Variants in DEFA4 observed in about 807,000 individuals in gnomAD.
The protein encoded by DEFA4 is defensin alpha 4.
DEFA4 carries 8 observed loss-of-function variants against 4.4 expected under a neutral mutation model. That is an observed-to-expected ratio of 1.82 (90% confidence interval 1.07 to 3.29). The LOEUF is 3.29. Ranked by LOEUF, DEFA4 falls within the 30% of genes most tolerant of loss-of-function variation. The pLI is 0.00. For missense variants in DEFA4, 216 were observed against 127.0 expected (o/e 1.70, Z -3.37); for synonymous variants, 77 against 46.5 (o/e 1.66, Z -2.67).
intron 1 of DEFA4, among the ~76,000 whole-genome samples, 199 bp downstream of exon 1, chr8:6,938,027 A>G (rs1808935336): frequency 6.6e-6 from 1 of 152,188 alleles, no homozygotes; most frequent in African/African-American, 2.4e-5. Context: ...TGTGTTTGGA[A>G]GGAAACTTTT....
intron 2 of DEFA4, 35 bp downstream of exon 2, chr8:6,936,693 A>G: frequency 6.4e-7 from 1 of 1,552,080 alleles, no homozygotes; most frequent in Non-Finnish European, 8.7e-7. Context: ...CCGTCTCTCT[A>G]GACTCGGTAG....
At chr8:6,937,082 A>G (rs959917468) in intron 1 of DEFA4, among the ~76,000 whole-genome samples, 171 bp from the exon 2 acceptor site, 2 of 152,038 alleles carry the variant, frequency 1.3e-5, no homozygotes, top group Non-Finnish European at 2.9e-5. Flanking sequence ...CATCCCTGGA[A>G]TGCTCCTCTG....
chr8:6,937,412 C>T (rs1479003821), intron 1 of DEFA4, among the ~76,000 whole-genome samples: 1 of 151,928 alleles, frequency 6.6e-6, no homozygotes, highest in Non-Finnish European at 1.5e-5. Flanking sequence ...GAAGGGGCGA[C>T]TGAGGTAATG....
Position 6,938,306 on chromosome 8 carries a change from T to A in DEFA4, c.-93A>T, listed in dbSNP as rs1203411395. 6.6e-6 allele frequency: 1 copy of A among 152,212 alleles called. No individual in the cohort carries two copies. The highest frequency in any genetic ancestry group is 2.4e-5 in the African/African-American group (1 of 41,454). The allele number at this position is 152,212 out of a possible 1,614,324, so 9.4% of individuals were successfully genotyped here. On this transcript the variant is annotated 5_prime_UTR_variant, in exon 1 of 3. It removes an upstream start codon present in the reference 5' UTR. Transcript: ENST00000297435. Reference sequence around the variant, plus strand: ...AGGTCTTATGTAGCAAGAGCAGCCATGCACACAGAGGAGAGGACTTCCTTA... The same window carrying A: ...AGGTCTTATGTAGCAAGAGCAGCCAAGCACACAGAGGAGAGGACTTCCTTA...
chr8:6,936,417 C>T (rs973424461), intron 2 of DEFA4, among the ~76,000 whole-genome samples: 4 of 152,102 alleles, frequency 2.6e-5, no homozygotes, highest in African/African-American at 4.8e-5. Context: ...TTTAAAATTT[C>T]CTTTGTTGGC....
Position 6,936,841 on chromosome 8 carries a change from C to T in DEFA4, c.59G>A (p.Gly20Asp). The change falls in exon 2 of 3, where the codon GGC becomes GAC. Residue 20 changes from glycine (G) to aspartate (D), a missense_variant. Transcript: ENST00000297435. ...CTCATCACCTCTTGCCTGGAGTGGG[C>T]CTGCCCGGACCTGGAGGGCTACCAA... ...ILLVALQVRA[G>D]PLQARGDEAP... The T allele has an allele frequency of 2.5e-6, 4 of 1,612,912 alleles. No individual in the cohort carries two copies. The highest frequency in any genetic ancestry group is 3.4e-6 in the Non-Finnish European group (4 of 1,179,480).
At chr8:6,937,510 AGAGTTGTGTAAGGTTCAT>A (rs1323194067) in intron 1 of DEFA4, among the ~76,000 whole-genome samples, 1 of 152,174 alleles carries the variant, frequency 6.6e-6, no homozygotes, top group Non-Finnish European at 1.5e-5. Context: ...AGAGAGATAA[AGAGTTGTGTAAGGTTCAT>A]GAGTTGCTAG....
intron 1 of DEFA4, among the ~76,000 whole-genome samples, chr8:6,937,485 G>T (rs543709826): frequency 3.5e-4 from 54 of 152,218 alleles, no homozygotes; most frequent in Non-Finnish European, 6.8e-4. Context: ...GGGTACAGGT[G>T]AAATGAGCTC....
In DEFA4 at chr8:6,936,203, A is replaced by G. The variant is rs539448726; in HGVS notation, c.173-62T>C. On this transcript the variant is annotated intron_variant, in intron 2 of 2. Coordinates refer to ENST00000297435, the MANE Select transcript of DEFA4 (RefSeq NM_001925.3). ...AAGGTCAGCGGTGGGTGGTAAAGGGAATCTTGGAGAAGTCACATGCTGGCT... is the reference window on the plus strand; with the variant it reads ...AAGGTCAGCGGTGGGTGGTAAAGGGGATCTTGGAGAAGTCACATGCTGGCT... 1.4e-5 allele frequency: 23 copies of G among 1,598,116 alleles called. No individual in the cohort carries two copies. In the South Asian group the frequency reaches 1.8e-4, roughly 12 times the overall value.
At chr8:6,937,961 AAAT>A (rs1258615398) in intron 1 of DEFA4, among the ~76,000 whole-genome samples, 9 of 152,316 alleles carry the variant, frequency 5.9e-5, no homozygotes, top group Middle Eastern at 3.4e-3. Flanking sequence ...TCTCACAATA[AAAT>A]AATGTTTTAA....
rs1240577683 is a variant in DEFA4, at chr8:6,937,178, T to G, written c.-12-267A>C. On this transcript the variant is annotated intron_variant, in intron 1 of 2. Transcript: ENST00000297435. ...TGGTGATGATGAGGACCCTGGCATTTTTTCCTGTTTTCAGGAAATACCTAA... is the reference window on the plus strand; with the variant it reads ...TGGTGATGATGAGGACCCTGGCATTGTTTCCTGTTTTCAGGAAATACCTAA... Among the ~76,000 whole-genome samples, 2 of 152,120 alleles carry G rather than the reference T, an allele frequency of 1.3e-5. 1 individual carries two copies. Among genetic ancestry groups the G allele is most frequent in the Non-Finnish European group, 2.9e-5 (2 of 68,012 alleles).
chr8:6,936,256 C>T (rs959870007), intron 2 of DEFA4, 115 bp from the exon 3 acceptor site: 60 of 1,367,780 alleles, frequency 4.4e-5, no homozygotes, highest in Middle Eastern at 2.5e-4. Flanking sequence ...GCATTAGTGC[C>T]GGTAGCACAA....
intron 2 of DEFA4, among the ~76,000 whole-genome samples, 165 bp from the exon 3 acceptor site, chr8:6,936,306 T>TGC (rs1808848503): frequency 1.3e-5 from 2 of 152,170 alleles, no homozygotes; most frequent in Admixed American, 1.3e-4. Flanking sequence ...AGAGCAATGC[T>TGC]GCTCATACAG....
chr8:6,937,239 A>T lies in DEFA4; in HGVS notation c.-12-328T>A, dbSNP rs551228739. ...TTAAATCTTTAATATTCTAAAAAGA[A>T]TGGAAACAGTGCTTTCATTCAATAA... is the stretch of plus-strand genomic sequence containing the variant. On this transcript the variant is annotated intron_variant, in intron 1 of 2. Transcript: ENST00000297435. Among the ~76,000 whole-genome samples the T allele has an allele frequency of 2.6e-5, 4 of 152,292 alleles. No individual in the cohort carries two copies. The East Asian group carries it at 7.7e-4, about 29-fold the overall frequency.
At chr8:6,936,191 G>T in intron 2 of DEFA4, 50 bp from the exon 3 acceptor site, 2 of 1,603,478 alleles carry the variant, frequency 1.2e-6, no homozygotes, top group South Asian at 1.1e-5. Context: ...GTCAGCGGTG[G>T]GTGGTAAAGG....
chr8:6,936,981 G>C, intron 1 of DEFA4, 70 bp from the exon 2 acceptor site: 1 of 1,326,090 alleles, frequency 7.5e-7, no homozygotes, highest in Non-Finnish European at 9.9e-7. Context: ...GCTTTGCTGG[G>C]AGAAGGCACA....
At chr8:6,936,623 A>G in intron 2 of DEFA4, 105 bp downstream of exon 2, 1 of 1,227,806 alleles carries the variant, frequency 8.1e-7, no homozygotes, top group East Asian at 2.6e-5. Context: ...CAGAGATGGT[A>G]AGTAAAGCCA....
Position 6,936,846 on chromosome 8 carries a change from C to G in DEFA4, c.54G>C (p.Arg18=). ...CACCTCTTGCCTGGAGTGGGCCTGC[C>G]CGGACCTGGAGGGCTACCAAGAGAA... is the stretch of plus-strand genomic sequence containing the variant. ...AAILLVALQV[R]AGPLQARGDE... is the part of the protein sequence containing the mutation. Residue 18 remains arginine, a synonymous_variant, in exon 2 of 3, where the codon CGG becomes CGC. Coordinates refer to ENST00000297435, the MANE Select transcript of DEFA4 (RefSeq NM_001925.3). The G allele has an allele frequency of 1.2e-6, 2 of 1,612,918 alleles. No individual in the cohort carries two copies. Among genetic ancestry groups the G allele is most frequent in the Non-Finnish European group, 1.7e-6 (2 of 1,179,466 alleles).
Position 6,936,709 on chromosome 8 carries a change from T to G in DEFA4, c.172+19A>C. On this transcript the variant is annotated intron_variant, in intron 2 of 2. Transcript: ENST00000297435. Reference sequence around the variant, plus strand: ...CGTCTCTCTAGACTCGGTAGCTTTTTTATGCTGGCCTCTCTCACCTGAAAC... The same window carrying G: ...CGTCTCTCTAGACTCGGTAGCTTTTGTATGCTGGCCTCTCTCACCTGAAAC... The G allele has an allele frequency of 6.4e-7, 1 of 1,571,574 alleles. No homozygotes were observed.
Sources: gnomAD v4.1 joint callset for allele counts (sites outside exome capture counted in the v4.1 genomes callset) on GRCh38, gnomAD v4.1.1 for gene constraint, MANE v1.5 for transcripts, NCBI Gene and HGNC (gene_info 2026-07-23, HGNC 2026-07-21) for gene names.